Variants in SCTR observed in about 807,000 individuals in gnomAD.
The protein encoded by SCTR is secretin receptor, also known as pancreatic secretin receptor.
Under a neutral mutation model 60.8 loss-of-function variants are expected in SCTR, and 56 were observed. That is an observed-to-expected ratio of 0.92 (90% CI 0.74 to 1.15). The LOEUF (loss-of-function observed/expected upper bound fraction) is 1.15, where lower values mean the gene tolerates loss of function less well. Ranked by LOEUF, SCTR falls within the 50% of genes most tolerant of loss-of-function variation. SCTR has a pLI of 0.00. For missense variants in SCTR, 562 were observed against 550.4 expected (o/e 1.02, Z -0.21); for synonymous variants, 202 against 217.0 (o/e 0.93, Z 0.61).
intron 1 of SCTR, among the ~76,000 whole-genome samples, chr2:119,506,605 T>C (rs528470840): frequency 4.6e-5 from 7 of 152,156 alleles, no homozygotes; most frequent in African/African-American, 1.7e-4. Flanking sequence ...CTTAGCTTCC[T>C]GCACAGGTAG....
At chr2:119,470,549 T>TTTAAC (rs1359760273) in intron 4 of SCTR, among the ~76,000 whole-genome samples, 1 of 152,184 alleles carries the variant, frequency 6.6e-6, no homozygotes, top group Non-Finnish European at 1.5e-5. Flanking sequence ...TTTTTCTGAG[T>TTTAAC]TAAGTCCAAA....
chr2:119,519,654 A>G (rs1202252155), intron 1 of SCTR, among the ~76,000 whole-genome samples: 1 of 151,784 alleles, frequency 6.6e-6, no homozygotes, highest in African/African-American at 2.4e-5. Context: ...AAAAATACAA[A>G]AATTAGCCAG....
At chr2:119,489,313 C>T (rs892217815) in intron 2 of SCTR, among the ~76,000 whole-genome samples, 2 of 152,190 alleles carry the variant, frequency 1.3e-5, no homozygotes, top group Admixed American at 6.5e-5. Context: ...CAAGGCTCCA[C>T]CTCATCTCCC....
chr2:119,489,115 G>A (rs923290890), intron 2 of SCTR, among the ~76,000 whole-genome samples: 1 of 152,148 alleles, frequency 6.6e-6, no homozygotes, highest in African/African-American at 2.4e-5. Flanking sequence ...AGTGGGGCAG[G>A]CAGAGCCGGC....
intron 2 of SCTR, among the ~76,000 whole-genome samples, chr2:119,493,593 A>G (rs1053010280): frequency 6.6e-6 from 1 of 151,154 alleles, no homozygotes; most frequent in African/African-American, 2.4e-5. Context: ...ACTTTATCTC[A>G]TTTATCATTA....
intron 3 of SCTR, 133 bp from the exon 4 acceptor site, chr2:119,473,689 A>G: frequency 1.5e-6 from 1 of 667,524 alleles, no homozygotes; most frequent in Non-Finnish European, 2.7e-6. Flanking sequence ...CAGTTCCAGA[A>G]CTTGCCCAAG....
intron 7 of SCTR, among the ~76,000 whole-genome samples, chr2:119,454,597 T>C (rs1477467620): frequency 6.6e-6 from 1 of 152,096 alleles, no homozygotes; most frequent in African/African-American, 2.4e-5. Context: ...TTCATGCCTG[T>C]AATCTCAGCA....
rs999277965 is a variant in SCTR at position 119,472,922 on chromosome 2, G to A, written c.405+531C>T. On this transcript the variant is annotated intron_variant, in intron 4 of 12. Transcript: ENST00000019103. ...ATTATAGGTGTAAGCCGCCACACCC[G>A]GCCAAAAGCAAACATTTACTGAGCA... Among the ~76,000 whole-genome samples, 5 of 152,110 alleles carry A rather than the reference G, an allele frequency of 3.3e-5. No homozygotes were observed. In the East Asian group the frequency reaches 5.8e-4, roughly 18 times the overall value.
chr2:119,492,848 T>G (rs1245687658), intron 2 of SCTR, among the ~76,000 whole-genome samples: 2 of 142,670 alleles, frequency 1.4e-5, no homozygotes, highest in Non-Finnish European at 3.1e-5. Flanking sequence ...ATTTATTTAT[T>G]TATTTATTTA....
chr2:119,453,467 T>TCTGTGGAAA, intron 7 of SCTR, 120 bp from the exon 8 acceptor site: 1 of 773,986 alleles, frequency 1.3e-6, no homozygotes, highest in Non-Finnish European at 2.2e-6. Context: ...AGATTTGGTT[T>TCTGTGGAAA]CCACAGAAAC....
intron 3 of SCTR, among the ~76,000 whole-genome samples, chr2:119,474,542 T>C (rs1446494827): frequency 6.6e-6 from 1 of 152,154 alleles, no homozygotes; most frequent in African/African-American, 2.4e-5. Flanking sequence ...GGGGGCAGGA[T>C]GCTGATGGCC....
intron 1 of SCTR, among the ~76,000 whole-genome samples, chr2:119,499,018 A>C (rs2104912620): frequency 6.6e-6 from 1 of 152,190 alleles, no homozygotes; most frequent in South Asian, 2.1e-4. Context: ...GGCAGGTTGA[A>C]AGGACAGAAA....
intron 12 of SCTR, among the ~76,000 whole-genome samples, 156 bp downstream of exon 12, chr2:119,441,402 C>T (rs1280461088): frequency 6.6e-6 from 1 of 152,168 alleles, no homozygotes; most frequent in Non-Finnish European, 1.5e-5. Context: ...ATTCAGACTC[C>T]TAAAAGAACT....
At chr2:119,440,993 G>A (rs1484838468) in intron 12 of SCTR, among the ~76,000 whole-genome samples, 3 of 152,212 alleles carry the variant, frequency 2.0e-5, no homozygotes, top group Admixed American at 2.0e-4. Context: ...AGCTCTGTAT[G>A]CCCAGAGCCT....
intron 3 of SCTR, among the ~76,000 whole-genome samples, chr2:119,474,412 G>A (rs1677173391): frequency 6.6e-6 from 1 of 152,226 alleles, no homozygotes; most frequent in Non-Finnish European, 1.5e-5. Flanking sequence ...GGGAAGTCTT[G>A]GAAGGCCACC....
At chr2:119,444,044 T>A (rs1394514046) in intron 11 of SCTR, among the ~76,000 whole-genome samples, 1 of 151,756 alleles carries the variant, frequency 6.6e-6, no homozygotes, top group African/African-American at 2.4e-5. Flanking sequence ...TGGATACCGC[T>A]GAGGCTGGGG....
intron 6 of SCTR, 146 bp downstream of exon 6, chr2:119,463,977 G>T: frequency 1.2e-6 from 1 of 824,676 alleles, no homozygotes. Context: ...CTGGCCCAGT[G>T]TCAGCACTGG....
At chr2:119,467,210 C>T (rs947358944) in intron 4 of SCTR, among the ~76,000 whole-genome samples, 3 of 151,802 alleles carry the variant, frequency 2.0e-5, no homozygotes, top group African/African-American at 7.3e-5. Context: ...GAAACCCTGT[C>T]TCTACCAAAA....
chr2:119,466,378 G>A (rs1016334885), intron 4 of SCTR, among the ~76,000 whole-genome samples: 5 of 152,140 alleles, frequency 3.3e-5, no homozygotes, highest in Admixed American at 2.6e-4. Flanking sequence ...AAGTTACAAA[G>A]GTCATACAGG....
Sources: allele counts gnomAD v4.1 joint callset (sites outside exome capture counted in the v4.1 genomes callset), GRCh38; gene constraint gnomAD v4.1.1; transcripts MANE v1.5; gene names NCBI Gene and HGNC (gene_info 2026-07-23, HGNC 2026-07-21).